The following TRPV1 variants were observed in gnomAD, a reference collection of about 807,000 sequenced individuals.
TRPV1 encodes transient receptor potential cation channel subfamily V member 1.
In TRPV1, 82 loss-of-function variants were observed where a neutral mutation model predicts 82.3. The observed-to-expected ratio is 1.00, with a 90% CI of 0.83 to 1.20. The LOEUF (loss-of-function observed/expected upper bound fraction) is 1.20. TRPV1 is among the 50% of genes most tolerant of loss of function. The pLI is 0.00. For synonymous variants in TRPV1, 515 were observed against 467.7 expected (o/e 1.10, Z -1.30); for missense variants, 1,067 against 1,096.8 (o/e 0.97, Z 0.38).
At chr17:3,590,862 G>A (rs2075147615) in intron 5 of TRPV1, 102 bp downstream of exon 5, 9 of 1,433,668 alleles carry the variant, frequency 6.3e-6, no homozygotes, top group South Asian at 2.9e-5. Context: ...CTGGGACAGG[G>A]AGTAAGGATC....
intron 9 of TRPV1, among the ~76,000 whole-genome samples, chr17:3,584,402 C>CAAAAAAAAAAAAAAAAAAAAA (rs1447579699): frequency 3.6e-4 from 6 of 16,770 alleles, no homozygotes; most frequent in African/African-American, 1.4e-3. Flanking sequence ...GACTCTGTCT[C>CAAAAAAAAAAAAAAAAAAAAA]AAAAAAAAAA....
At chr17:3,601,583 G>A (rs750114586) in intron 2 of TRPV1, among the ~76,000 whole-genome samples, 2 of 151,712 alleles carry the variant, frequency 1.3e-5, no homozygotes, top group Non-Finnish European at 2.9e-5. Context: ...AAAGGCCCCA[G>A]CATAAAGAGC....
At chr17:3,588,419 A>G (rs2075111249) in intron 7 of TRPV1, 52 bp from the exon 8 acceptor site, 4 of 1,529,800 alleles carry the variant, frequency 2.6e-6, no homozygotes, top group Non-Finnish European at 3.5e-6. Context: ...GCTCAGCCTC[A>G]GACAGTACCT....
rs774247046 is a variant in TRPV1 at position 3,590,256 on chromosome 17, G to T, written c.741C>A (p.Tyr247Ter). The T allele has an allele frequency of 6.2e-7, 1 of 1,613,874 alleles. No homozygotes were observed. Among genetic ancestry groups the T allele is most frequent in the South Asian group, 1.1e-5 (1 of 91,084 alleles). ...TCTGCCACACTGTCTCCCTACCGAA[G>T]TAGAATCCAGGCCGCCCTTTGGTTT... ...FKKTKGRPGF[Y>*]FGELPLSLAA... The change falls in exon 6 of 17, where the codon TAC becomes TAA. Residue 247 changes from tyrosine to a stop codon, truncating the protein, a stop_gained. Coordinates refer to ENST00000572705, the MANE Select transcript of TRPV1 (RefSeq NM_080704.4). LOFTEE classifies it high-confidence loss of function.
Position 3,589,893 on chromosome 17 carries a change from G to C in TRPV1, c.958C>G (p.Leu320Val), listed in dbSNP as rs780970901. ...YNEILMLGAK[L>V]HPTLKLEELT... ...TCCTCCAGCTTCAGCGTCGGGTGCAGTTTGGCCCCCAGCATCAGAATCTCA... is the reference window on the plus strand; with the variant it reads ...TCCTCCAGCTTCAGCGTCGGGTGCACTTTGGCCCCCAGCATCAGAATCTCA... Residue 320 changes from leucine to valine, a missense_variant, in exon 7 of 17, where the codon CTG (leucine) becomes GTG (valine). By Grantham distance (32) the Leu-to-Val change is conservative. Transcript: ENST00000572705. The C allele has an allele frequency of 1.1e-5, 18 of 1,608,492 alleles. No individual in the cohort carries two copies. Among genetic ancestry groups the C allele is most frequent in the Non-Finnish European group, 1.4e-5 (17 of 1,177,772 alleles).
chr17:3,601,359 GCTGAGCAA>G (rs1043766450), intron 2 of TRPV1, among the ~76,000 whole-genome samples: 1 of 151,614 alleles, frequency 6.6e-6, no homozygotes, highest in African/African-American at 2.4e-5. Flanking sequence ...GGTCCCCACT[GCTGAGCAA>G]CGCCCCACCC....
Position 3,604,224 on chromosome 17 carries a change from G to T in TRPV1, c.-34+4203C>A, listed in dbSNP as rs145017455. Among the ~76,000 whole-genome samples, 6 of 152,332 alleles carry T rather than the reference G, an allele frequency of 3.9e-5. No individual in the cohort carries two copies. In the East Asian group the frequency reaches 1.2e-3, roughly 29 times the overall value. ...GAGGACATTCCAAACATGGGCCTTGGCATGAGCTAAGGTGCAGGAGGACAG... is the reference window on the plus strand; with the variant it reads ...GAGGACATTCCAAACATGGGCCTTGTCATGAGCTAAGGTGCAGGAGGACAG... On this transcript the variant is annotated intron_variant, in intron 2 of 16. Transcript: ENST00000572705.
intron 16 of TRPV1, 89 bp downstream of exon 16, chr17:3,571,435 G>T: frequency 9.4e-7 from 1 of 1,066,512 alleles, no homozygotes; most frequent in Non-Finnish European, 1.4e-6. Context: ...TGAGGAACCC[G>T]GCAAGGCGTG....
intron 7 of TRPV1, among the ~76,000 whole-genome samples, chr17:3,589,117 G>C (rs900809044): frequency 6.6e-6 from 1 of 152,126 alleles, no homozygotes; most frequent in Admixed American, 6.6e-5. Flanking sequence ...AGCTGGAGCT[G>C]GGAGCTGGAG....
rs1013125255 is a variant in TRPV1, at chr17:3,566,639, C to T, written c.*176G>A. On this transcript the variant is annotated 3_prime_UTR_variant, in exon 17 of 17. Coordinates refer to ENST00000572705, the MANE Select transcript of TRPV1 (RefSeq NM_080704.4). ...GACAGTGACGGTTGGATGTACATCA[C>T]TCCCCATGCTTCCAAGAACGCTTCC... The T allele has an allele frequency of 3.0e-6, 2 of 677,626 alleles. No homozygotes were observed. The highest frequency in any genetic ancestry group is 4.8e-6 in the Non-Finnish European group (2 of 419,196). 42.0% of individuals were successfully genotyped at this position (677,626 alleles called of 1,614,324 possible).
At position 3,588,174 on chromosome 17, in the gene TRPV1, C is replaced by T; in HGVS notation, c.1224+14G>A. 1 of 1,549,958 alleles carries T rather than the reference C, an allele frequency of 6.5e-7. No homozygotes were observed. The highest frequency in any genetic ancestry group is 1.4e-5 in the African/African-American group (1 of 73,204). ...GGCCCTGAGGCCCTCCCTGGCTGTG[C>T]CCCAGCCACTCACAGGGGTCTCGCT... is the stretch of plus-strand genomic sequence containing the variant. On this transcript the variant is annotated intron_variant, in intron 8 of 16. Coordinates refer to ENST00000572705, the MANE Select transcript of TRPV1 (RefSeq NM_080704.4).
rs553142851 is a variant in TRPV1, at chr17:3,603,447, G to A, written c.-34+4980C>T. ...TGGACCTTGGATGGAAGAGGCCCGC[G>A]TGTGCTAGATGCCGGCTGTATGGAC... On this transcript the variant is annotated intron_variant, in intron 2 of 16. Transcript: ENST00000572705. Among the ~76,000 whole-genome samples the A allele has an allele frequency of 5.9e-5, 9 of 152,304 alleles. No homozygotes were observed. In the East Asian group the frequency reaches 9.7e-4, roughly 16 times the overall value.
chr17:3,604,658 G>C (rs2075285956), intron 2 of TRPV1, among the ~76,000 whole-genome samples: 1 of 151,840 alleles, frequency 6.6e-6, no homozygotes, highest in South Asian at 2.1e-4. Flanking sequence ...GAAAAGTAGA[G>C]AACATGAAAG....
intron 16 of TRPV1, 108 bp from the exon 17 acceptor site, chr17:3,567,095 T>C (rs572839392): frequency 2.0e-5 from 26 of 1,311,806 alleles, no homozygotes; most frequent in Middle Eastern, 2.1e-4. Flanking sequence ...CGATGGCTCA[T>C]GCCTGTAATC....
In TRPV1 at chr17:3,590,306, C is replaced by T. The variant is rs1160989001; in HGVS notation, c.691G>A (p.Ala231Thr). The T allele has an allele frequency of 2.0e-5, 33 of 1,614,006 alleles. No individual in the cohort carries two copies. The highest frequency in any genetic ancestry group is 2.7e-5 in the Non-Finnish European group (32 of 1,179,884). Residue 231 changes from alanine to threonine, a missense_variant, in exon 6 of 17, where the codon GCG becomes ACG. Ala to Thr is a moderately conservative substitution (Grantham distance 58). Coordinates refer to ENST00000572705, the MANE Select transcript of TRPV1 (RefSeq NM_080704.4). ...TTCTTAAAGAAGTCCCCATGGGCCG[C>T]AGCCTGGACGTCTGCTCCGTTCTCC... ...LVENGADVQA[A>T]AHGDFFKKTK...
chr17:3,590,943 C>T (rs775402169), intron 5 of TRPV1, 21 bp downstream of exon 5: 18 of 1,570,296 alleles, frequency 1.1e-5, no homozygotes, highest in South Asian at 4.8e-5. Context: ...GAGCCATGCC[C>T]GGCCCCGCCG....
rs772320126 is a variant in TRPV1 at position 3,577,654 on chromosome 17, G to A, written c.1657C>T (p.Leu553Phe). Residue 553 changes from leucine to phenylalanine, a missense_variant, in exon 12 of 17, where the codon CTC becomes TTC. By Grantham distance (22) the Leu-to-Phe change is conservative. Coordinates refer to ENST00000572705, the MANE Select transcript of TRPV1 (RefSeq NM_080704.4). ...FSLALGWTNM[L>F]YYTRGFQQMG... is the part of the protein sequence containing the mutation. ...TGCTGGAAACCGCGGGTGTAGTAGAGCATGTTGGTCCAGCCCAAGGCCAGG... is the reference window on the plus strand; with the variant it reads ...TGCTGGAAACCGCGGGTGTAGTAGAACATGTTGGTCCAGCCCAAGGCCAGG... 3.8e-6 allele frequency: 6 copies of A among 1,586,662 alleles called. No homozygotes were observed. Among genetic ancestry groups the A allele is most frequent in the Non-Finnish European group, 5.1e-6 (6 of 1,166,914 alleles).
Position 3,590,108 on chromosome 17 carries a change from G to A in TRPV1, c.746-3C>T. 2 of 1,601,906 alleles carry A rather than the reference G, an allele frequency of 1.2e-6. No homozygotes were observed. Among genetic ancestry groups the A allele is most frequent in the South Asian group, 1.1e-5 (1 of 89,470 alleles). ...GGCCAGGGACAGGGGCAGTTCACCT[G>A]CATGAACACAGGGCCCAGGTGGGCC... On this transcript the variant is annotated splice_polypyrimidine_tract_variant and splice_region_variant and intron_variant, in intron 6 of 16. Coordinates refer to ENST00000572705, the MANE Select transcript of TRPV1 (RefSeq NM_080704.4).
chr17:3,570,372 GA>G (rs71153372), intron 16 of TRPV1, among the ~76,000 whole-genome samples: 50,872 of 132,912 alleles, frequency 0.38, 9,279 homozygotes, highest in South Asian at 0.46. Context: ...TCCATCTCAG[GA>G]AAAAAAAAAA....
Sources: gnomAD v4.1 joint callset for allele counts (sites outside exome capture counted in the v4.1 genomes callset) on GRCh38, gnomAD v4.1.1 for gene constraint, MANE v1.5 for transcripts, NCBI Gene and HGNC (gene_info 2026-07-23, HGNC 2026-07-21) for gene names.